XIRP2: variants seen among roughly 807,000 people sequenced by gnomAD.
XIRP2 encodes the protein xin actin-binding repeat-containing protein 2.
XIRP2 carries 236 observed loss-of-function variants against 277.0 expected under a neutral mutation model. That is an observed-to-expected ratio of 0.85 (90% CI 0.77 to 0.95). The LOEUF (loss-of-function observed/expected upper bound fraction) is 0.95. XIRP2 is among the 40% of genes least tolerant of loss of function. XIRP2 has a pLI of 0.00. For missense variants in XIRP2, 4,640 were observed against 4,157.5 expected, an observed-to-expected ratio of 1.12 and a Z score of -3.19; for synonymous variants, 1,490 against 1,416.5, an observed-to-expected ratio of 1.05 and a Z score of -1.17.
At chr2:167,015,480 A>G (rs769774724) in intron 2 of XIRP2, among the ~76,000 whole-genome samples, 1 of 151,240 alleles carries the variant, frequency 6.6e-6, no homozygotes, top group Non-Finnish European at 1.5e-5. Context: ...ACTCATTATC[A>G]TTCTATGGGA....
In XIRP2 at chr2:167,247,075, A is replaced by T. The variant is rs1007319965; in HGVS notation, c.5683A>T (p.Ile1895Phe). The change falls in exon 9 of 11, where the codon ATT becomes TTT. Residue 1895 changes from isoleucine (I) to phenylalanine (F), a missense_variant. Ile to Phe is a conservative substitution (Grantham distance 21, BLOSUM62 0). Transcript: ENST00000409195. ...ACAGCCTGATGCCATCCCTGGTGAT[A>T]TTGAAAAAGCTATTGAATGCCTTGA... Reference protein sequence around the residue: ...SKQPDAIPGDIEKAIECLEKA... With the variant: ...SKQPDAIPGDFEKAIECLEKA... 3.0e-5 allele frequency: 48 copies of T among 1,612,212 alleles called. No individual in the cohort carries two copies. Among genetic ancestry groups the T allele is most frequent in the Non-Finnish European group, 3.9e-5 (46 of 1,179,464 alleles).
At chr2:167,212,572 T>A (rs1694086888) in intron 4 of XIRP2, among the ~76,000 whole-genome samples, 1 of 152,208 alleles carries the variant, frequency 6.6e-6, no homozygotes, top group Admixed American at 6.5e-5. Flanking sequence ...AATCTTCTCT[T>A]CCCTGCAAAT....
At position 167,249,423 on chromosome 2, in the gene XIRP2, A is replaced by G; in HGVS notation, c.8031A>G (p.Gln2677=). ...MQSKSACEIK[Q]SHQECSTQQT... Reference sequence around the variant, plus strand: ...CCAAATCAGCTTGCGAAATTAAACAAAGTCACCAAGAATGTAGTACCCAAC... The same window carrying G: ...CCAAATCAGCTTGCGAAATTAAACAGAGTCACCAAGAATGTAGTACCCAAC... The change falls in exon 9 of 11, where the codon CAA becomes CAG. Residue 2677 remains glutamine, a synonymous_variant. Coordinates refer to ENST00000409195, the MANE Select transcript of XIRP2 (RefSeq NM_152381.6). The G allele has an allele frequency of 6.2e-7, 1 of 1,613,806 alleles. No individual in the cohort carries two copies. Among genetic ancestry groups the G allele is most frequent in the Non-Finnish European group, 8.5e-7 (1 of 1,179,850 alleles).
chr2:167,030,182 T>A (rs1233580482), intron 2 of XIRP2, among the ~76,000 whole-genome samples: 1 of 152,148 alleles, frequency 6.6e-6, no homozygotes, highest in East Asian at 1.9e-4. Context: ...TTCATTGATT[T>A]TTTTGAAGGA....
chr2:167,110,665 T>A (rs1484977540), intron 2 of XIRP2, among the ~76,000 whole-genome samples: 2 of 152,086 alleles, frequency 1.3e-5, no homozygotes, highest in African/African-American at 4.8e-5. Context: ...GACTTTTTTT[T>A]ATTCCATATG....
intron 2 of XIRP2, among the ~76,000 whole-genome samples, chr2:167,113,660 A>C (rs567807587): frequency 6.1e-4 from 93 of 151,886 alleles, no homozygotes; most frequent in African/African-American, 1.9e-3. Flanking sequence ...TAGTATTGAC[A>C]TGTGTGATTT....
At chr2:167,224,434 A>G (rs375204101) in intron 5 of XIRP2, among the ~76,000 whole-genome samples, 2 of 151,386 alleles carry the variant, frequency 1.3e-5, no homozygotes, top group Admixed American at 1.3e-4. Context: ...TTTTTAAGAG[A>G]TGGGGTTTCA....
intron 2 of XIRP2, among the ~76,000 whole-genome samples, chr2:167,027,473 A>T (rs1417512551): frequency 6.6e-6 from 1 of 151,974 alleles, no homozygotes; most frequent in Non-Finnish European, 1.5e-5. Context: ...AGCTCGGAGT[A>T]GTTTGATTGT....
chr2:166,981,954 A>C (rs1369588488), intron 2 of XIRP2, among the ~76,000 whole-genome samples: 1 of 152,220 alleles, frequency 6.6e-6, no homozygotes, highest in Non-Finnish European at 1.5e-5. Flanking sequence ...AGTTCAAAGT[A>C]TCCATTAACT....
intron 2 of XIRP2, among the ~76,000 whole-genome samples, chr2:167,093,857 G>A (rs1244211161): frequency 6.6e-6 from 1 of 152,072 alleles, no homozygotes; most frequent in Non-Finnish European, 1.5e-5. Flanking sequence ...GGGCCAAATG[G>A]TATTTCTGGT....
intron 2 of XIRP2, among the ~76,000 whole-genome samples, chr2:167,003,237 AG>A (rs1440617629): frequency 6.6e-6 from 1 of 150,666 alleles, no homozygotes. Flanking sequence ...AGAAAAAAAA[AG>A]ATAAAAAATG....
chr2:167,049,808 G>T (rs1407956688), intron 2 of XIRP2, among the ~76,000 whole-genome samples: 1 of 152,054 alleles, frequency 6.6e-6, no homozygotes, highest in Non-Finnish European at 1.5e-5. Context: ...AATGAAAAAT[G>T]ATAGTGTGAC....
At chr2:167,166,939 A>G (rs931847722) in intron 3 of XIRP2, among the ~76,000 whole-genome samples, 23 of 152,174 alleles carry the variant, frequency 1.5e-4, no homozygotes, top group Admixed American at 1.1e-3. Flanking sequence ...GGATTGTTGA[A>G]GTTTCCAACC....
rs756372662 is a variant in XIRP2, at chr2:167,244,566, G to A, written c.3174G>A (p.Leu1058=). The change falls in exon 9 of 11, where the codon TTG becomes TTA. Residue 1058 remains leucine, a synonymous_variant. Coordinates refer to ENST00000409195, the MANE Select transcript of XIRP2 (RefSeq NM_152381.6). ...QTGNVKSAKW[L]FETQPLDSIK... ...GAAATGTGAAATCTGCCAAATGGTT[G>A]TTTGAAACCCAACCTCTTGATTCAA... The A allele has an allele frequency of 2.5e-6, 4 of 1,612,398 alleles. No homozygotes were observed. Among genetic ancestry groups the A allele is most frequent in the Non-Finnish European group, 3.4e-6 (4 of 1,179,396 alleles).
At chr2:167,191,920 T>C (rs866025162) in intron 3 of XIRP2, among the ~76,000 whole-genome samples, 1 of 152,218 alleles carries the variant, frequency 6.6e-6, no homozygotes, top group African/African-American at 2.4e-5. Context: ...AAAGAGTTTA[T>C]TGTGGGAAGT....
chr2:166,911,015 G>C (rs1031023940), intron 2 of XIRP2, among the ~76,000 whole-genome samples: 2 of 152,118 alleles, frequency 1.3e-5, no homozygotes, highest in Admixed American at 1.3e-4. Context: ...CATTTGCTGA[G>C]GAGTGCTTTA....
intron 2 of XIRP2, among the ~76,000 whole-genome samples, chr2:166,985,098 C>T (rs1316108297): frequency 2.0e-5 from 3 of 152,152 alleles, no homozygotes; most frequent in Non-Finnish European, 1.5e-5. Context: ...CAACATCCTG[C>T]ACAAAATTTA....
chr2:167,209,704 AG>A (rs1208421595), intron 3 of XIRP2, among the ~76,000 whole-genome samples: 1 of 152,122 alleles, frequency 6.6e-6, no homozygotes, highest in East Asian at 1.9e-4. Flanking sequence ...AAGAGTGAAT[AG>A]TAAACCACCA....
At chr2:167,100,089 T>C (rs1459193410) in intron 2 of XIRP2, among the ~76,000 whole-genome samples, 2 of 151,604 alleles carry the variant, frequency 1.3e-5, no homozygotes, top group Non-Finnish European at 2.9e-5. Context: ...AACCACTGAA[T>C]TGTAGAATTG....
Sources: allele counts gnomAD v4.1 joint callset (sites outside exome capture counted in the v4.1 genomes callset), GRCh38; gene constraint gnomAD v4.1.1; transcripts MANE v1.5; gene names NCBI Gene and HGNC (gene_info 2026-07-23, HGNC 2026-07-21).